The following MBD5 variants were observed in gnomAD, a reference collection of about 807,000 sequenced individuals.
The protein encoded by MBD5 is methyl-CpG binding domain protein 5.
Under a neutral mutation model 117.3 loss-of-function variants are expected in MBD5, and 13 were observed. The observed-to-expected ratio is 0.11, with a 90% CI of 0.07 to 0.18. The LOEUF (loss-of-function observed/expected upper bound fraction) is 0.18. Among genes scored for constraint, MBD5 ranks in the 10% least tolerant of loss-of-function variants. The pLI, the probability that MBD5 is intolerant of heterozygous loss-of-function variation, is 1.00. For missense variants in MBD5, 1,879 were observed against 2,093.8 expected (o/e 0.90, Z 2.00); for synonymous variants, 727 against 766.4 (o/e 0.95, Z 0.85).
At chr2:148,124,951 TA>T (rs1696856001) in intron 1 of MBD5, among the ~76,000 whole-genome samples, 1 of 150,912 alleles carries the variant, frequency 6.6e-6, no homozygotes. Flanking sequence ...CTATATATGA[TA>T]TATATGTAAA....
chr2:148,241,997 T>C (rs1700225242), intron 3 of MBD5, among the ~76,000 whole-genome samples: 1 of 152,200 alleles, frequency 6.6e-6, no homozygotes, highest in Admixed American at 6.5e-5. Flanking sequence ...GCTTTATTAT[T>C]TCATTTCATC....
chr2:148,213,663 A>G (rs928053395), intron 2 of MBD5, among the ~76,000 whole-genome samples: 9 of 152,290 alleles, frequency 5.9e-5, no homozygotes, highest in African/African-American at 2.2e-4. Context: ...TAAACCAGAA[A>G]ATTTTGGATT....
chr2:148,076,620 T>C (rs1030644090), intron 1 of MBD5, among the ~76,000 whole-genome samples: 2 of 152,164 alleles, frequency 1.3e-5, no homozygotes, highest in East Asian at 3.8e-4. Context: ...TAGGTGCCAG[T>C]GAGAGAAAGA....
rs1559065371 is a variant in MBD5 at position 148,424,205 on chromosome 2, A to AAC, written c.-556-33997_-556-33996insCA. ...AAAAAAAAAAAAAAAAAAAAAAAAA[A>AAC]AAAAAAAAAAACAGCAGAGGTCGTA... On this transcript the variant is annotated intron_variant, in intron 4 of 13. Transcript: ENST00000642680. Among the ~76,000 whole-genome samples the AAC allele has an allele frequency of 1.0e-3, 134 of 130,400 alleles. 1 individual carries two copies. Among genetic ancestry groups the AAC allele is most frequent in the African/African-American group, 3.9e-3 (127 of 32,680 alleles). The allele number at this position is 130,400 out of a possible 152,430, so 85.5% of individuals were successfully genotyped here. A position where few individuals can be genotyped will look rare whatever the true frequency, so the allele number is the denominator to read the frequency against.
chr2:148,079,162 T>C (rs1293054229), intron 1 of MBD5, among the ~76,000 whole-genome samples: 2 of 152,238 alleles, frequency 1.3e-5, no homozygotes, highest in Non-Finnish European at 2.9e-5. Context: ...TCTAAAGTTA[T>C]TCATTGCCAC....
At chr2:148,363,239 TTTC>T (rs2105317665) in intron 4 of MBD5, among the ~76,000 whole-genome samples, 1 of 152,070 alleles carries the variant, frequency 6.6e-6, no homozygotes, top group Non-Finnish European at 1.5e-5. Flanking sequence ...CTAAGAACCT[TTTC>T]TTTTTTTTGA....
chr2:148,428,463 A>G (rs550928162), intron 4 of MBD5, among the ~76,000 whole-genome samples: 32 of 152,300 alleles, frequency 2.1e-4, no homozygotes, highest in Admixed American at 5.9e-4. Flanking sequence ...TCAAGCTACC[A>G]TTGAGTTTCT....
chr2:148,463,989 C>T, intron 7 of MBD5, 70 bp downstream of exon 7: 1 of 1,506,946 alleles, frequency 6.6e-7, no homozygotes, highest in South Asian at 1.2e-5. Flanking sequence ...AATCATTTTG[C>T]CTAGCATTTT....
At chr2:148,352,294 T>TC (rs1279917828) in intron 4 of MBD5, among the ~76,000 whole-genome samples, 1 of 152,036 alleles carries the variant, frequency 6.6e-6, no homozygotes, top group Admixed American at 6.6e-5. Flanking sequence ...CAGCTTTTTT[T>TC]CCAAATTAAA....
chr2:148,127,910 T>C (rs889815890), intron 1 of MBD5, among the ~76,000 whole-genome samples: 4 of 152,350 alleles, frequency 2.6e-5, no homozygotes, highest in South Asian at 2.1e-4. Flanking sequence ...TTCTTGACTT[T>C]TTAATAATCA....
intron 3 of MBD5, among the ~76,000 whole-genome samples, chr2:148,272,613 G>A (rs941953126): frequency 1.4e-4 from 21 of 151,934 alleles, no homozygotes; most frequent in South Asian, 8.3e-4. Flanking sequence ...GGTCCTTTGC[G>A]CACTTTTTAA....
chr2:148,248,488 C>G (rs73964463), intron 3 of MBD5, among the ~76,000 whole-genome samples: 18 of 151,880 alleles, frequency 1.2e-4, no homozygotes, highest in Non-Finnish European at 1.8e-4. Context: ...AATATAGGAC[C>G]CCAAAAATTT....
chr2:148,390,531 G>GTA (rs1346981047), intron 4 of MBD5, among the ~76,000 whole-genome samples: 1 of 140,970 alleles, frequency 7.1e-6, no homozygotes, highest in South Asian at 2.3e-4. Flanking sequence ...GTGTGTGTGT[G>GTA]TATATGTGTG....
intron 11 of MBD5, among the ~76,000 whole-genome samples, chr2:148,497,640 C>A (rs1226583448): frequency 6.6e-6 from 1 of 151,844 alleles, no homozygotes; most frequent in Non-Finnish European, 1.5e-5. Context: ...AGTGAGCATG[C>A]CAGGCATGGT....
At chr2:148,361,676 T>C (rs1411937288) in intron 4 of MBD5, among the ~76,000 whole-genome samples, 3 of 152,134 alleles carry the variant, frequency 2.0e-5, no homozygotes, top group African/African-American at 7.2e-5. Flanking sequence ...ATCCCATAGT[T>C]TGGACAACAA....
chr2:148,273,763 G>T (rs2106352230), intron 3 of MBD5, among the ~76,000 whole-genome samples: 1 of 152,264 alleles, frequency 6.6e-6, no homozygotes, highest in South Asian at 2.1e-4. Context: ...ATTAAACTCT[G>T]TCTTTGCTTC....
At chr2:148,258,315 A>G (rs55640660) in intron 3 of MBD5, among the ~76,000 whole-genome samples, 34,913 of 152,116 alleles carry the variant, frequency 0.23, 4,417 homozygotes, top group East Asian at 0.53. Context: ...ACGGATGCCA[A>G]GGTACAGAGA....
intron 3 of MBD5, among the ~76,000 whole-genome samples, chr2:148,272,658 G>A (rs1243677440): frequency 6.6e-6 from 1 of 151,912 alleles, no homozygotes; most frequent in Non-Finnish European, 1.5e-5. Flanking sequence ...TGAGTTCTTT[G>A]TGTTCTGTAT....
intron 2 of MBD5, among the ~76,000 whole-genome samples, chr2:148,185,704 C>T (rs1230823162): frequency 1.3e-5 from 2 of 152,046 alleles, no homozygotes; most frequent in African/African-American, 4.8e-5. Context: ...GAGTTCAAGA[C>T]CAGCCTGGGC....
Sources: allele counts gnomAD v4.1 joint callset (sites outside exome capture counted in the v4.1 genomes callset), GRCh38; gene constraint gnomAD v4.1.1; transcripts MANE v1.5; gene names NCBI Gene and HGNC (gene_info 2026-07-23, HGNC 2026-07-21).